The following KCNH7 variants were observed in gnomAD, a reference collection of about 807,000 sequenced individuals.
KCNH7 encodes voltage-gated inwardly rectifying potassium channel KCNH7.
KCNH7 carries 49 observed loss-of-function variants against 120.8 expected under a neutral mutation model. The observed-to-expected ratio is 0.41, with a 90% CI of 0.32 to 0.51. KCNH7 has a LOEUF of 0.51. Ranked by LOEUF, KCNH7 falls within the 20% of genes least tolerant of loss-of-function variation. The probability of loss-of-function intolerance (pLI) is 0.38; values close to 1 mark genes in which losing one functional copy is unlikely to be tolerated. For missense variants in KCNH7, 1,097 were observed against 1,446.6 expected (o/e 0.76, Z 3.92); for synonymous variants, 547 against 516.1 (o/e 1.06, Z -0.81).
At chr2:162,752,988 GA>G (rs1231765534) in intron 2 of KCNH7, among the ~76,000 whole-genome samples, 25 of 126,014 alleles carry the variant, frequency 2.0e-4, no homozygotes, top group African/African-American at 9.6e-4. Context: ...GAAAAGAAAA[GA>G]AAAGAAAAGA....
chr2:162,408,147 G>C (rs938761571), intron 9 of KCNH7, among the ~76,000 whole-genome samples: 2 of 151,920 alleles, frequency 1.3e-5, no homozygotes, highest in African/African-American at 4.8e-5. Context: ...CCATCAAATT[G>C]GCTTTCTAAA....
intron 6 of KCNH7, among the ~76,000 whole-genome samples, chr2:162,470,404 T>A (rs1206394731): frequency 2.0e-5 from 3 of 147,360 alleles, no homozygotes; most frequent in African/African-American, 7.6e-5. Flanking sequence ...CCGCCCCGTC[T>A]GAGAAGTGAG....
At chr2:162,694,377 A>G (rs574546544) in intron 2 of KCNH7, among the ~76,000 whole-genome samples, 98 of 152,228 alleles carry the variant, frequency 6.4e-4, no homozygotes, top group Non-Finnish European at 1.2e-3. Flanking sequence ...AGCTTTAAAT[A>G]GTTCTATTTT....
At chr2:162,411,241 A>G (rs1687383170) in intron 9 of KCNH7, among the ~76,000 whole-genome samples, 1 of 152,128 alleles carries the variant, frequency 6.6e-6, no homozygotes, top group Non-Finnish European at 1.5e-5. Context: ...GATAAAGAAA[A>G]TGTGGCACAT....
chr2:162,437,570 T>C (rs1389227692), intron 7 of KCNH7, among the ~76,000 whole-genome samples: 1 of 152,138 alleles, frequency 6.6e-6, no homozygotes, highest in East Asian at 1.9e-4. Flanking sequence ...GAATTCTGCC[T>C]CCATAGAATG....
Position 162,651,876 on chromosome 2 carries a change from G to A in KCNH7, c.308-114796C>T, listed in dbSNP as rs866955853. On this transcript the variant is annotated intron_variant, in intron 2 of 15. Transcript: ENST00000332142. Reference sequence around the variant, plus strand: ...CCTCACCAGCATCTGCTATTTTTTGGCTTTTTAATAATAGTCATTCTGACT... The same window carrying A: ...CCTCACCAGCATCTGCTATTTTTTGACTTTTTAATAATAGTCATTCTGACT... Among the ~76,000 whole-genome samples the A allele has an allele frequency of 2.6e-5, 4 of 152,112 alleles. No individual in the cohort carries two copies. The South Asian group carries it at 8.3e-4, about 32-fold the overall frequency.
intron 2 of KCNH7, among the ~76,000 whole-genome samples, chr2:162,557,783 A>C (rs1250643227): frequency 1.3e-5 from 2 of 152,144 alleles, no homozygotes; most frequent in Non-Finnish European, 2.9e-5. Context: ...TACACTTCTG[A>C]AAGTCTATTT....
At chr2:162,597,433 A>G (rs769737411) in intron 2 of KCNH7, among the ~76,000 whole-genome samples, 4 of 152,118 alleles carry the variant, frequency 2.6e-5, no homozygotes, top group Non-Finnish European at 5.9e-5. Context: ...GAAATAAGCC[A>G]GGCAAGAAAG....
intron 2 of KCNH7, among the ~76,000 whole-genome samples, chr2:162,557,496 G>C (rs1361613322): frequency 6.6e-6 from 1 of 152,192 alleles, no homozygotes; most frequent in Non-Finnish European, 1.5e-5. Flanking sequence ...CTTCTTGATG[G>C]AGCAGTGGCA....
At chr2:162,819,924 C>G (rs1199869041) in intron 2 of KCNH7, among the ~76,000 whole-genome samples, 1 of 151,002 alleles carries the variant, frequency 6.6e-6, no homozygotes, top group Non-Finnish European at 1.5e-5. Context: ...AGGAAAAATA[C>G]AATATTTTTC....
intron 2 of KCNH7, among the ~76,000 whole-genome samples, chr2:162,835,491 T>G (rs910937753): frequency 6.6e-6 from 1 of 152,034 alleles, no homozygotes; most frequent in African/African-American, 2.4e-5. Flanking sequence ...TCTGCCTCAG[T>G]AATTTCTGTT....
At chr2:162,393,243 C>T (rs1686795482) in intron 12 of KCNH7, among the ~76,000 whole-genome samples, 1 of 151,854 alleles carries the variant, frequency 6.6e-6, no homozygotes, top group Admixed American at 6.6e-5. Context: ...ACCATGAGTT[C>T]AATTTAGGAA....
intron 5 of KCNH7, among the ~76,000 whole-genome samples, chr2:162,505,653 C>T (rs1690849738): frequency 6.6e-6 from 1 of 151,846 alleles, no homozygotes. Context: ...ATTACGTACA[C>T]TGTTATTTAG....
intron 3 of KCNH7, among the ~76,000 whole-genome samples, chr2:162,529,723 A>C (rs932336488): frequency 6.6e-6 from 1 of 151,882 alleles, no homozygotes; most frequent in Admixed American, 6.6e-5. Context: ...AGAAGAGAAC[A>C]CACTTTTCCA....
At chr2:162,637,564 G>C (rs1045200909) in intron 2 of KCNH7, among the ~76,000 whole-genome samples, 1 of 152,040 alleles carries the variant, frequency 6.6e-6, no homozygotes, top group African/African-American at 2.4e-5. Context: ...ACAACATACT[G>C]TATACTTAAT....
intron 9 of KCNH7, among the ~76,000 whole-genome samples, chr2:162,422,066 G>A (rs1687723806): frequency 6.6e-6 from 1 of 152,168 alleles, no homozygotes; most frequent in South Asian, 2.1e-4. Flanking sequence ...ATTTACAAAA[G>A]AATTTTTCAC....
intron 2 of KCNH7, among the ~76,000 whole-genome samples, chr2:162,656,185 T>C (rs1291877670): frequency 6.6e-6 from 1 of 152,190 alleles, no homozygotes; most frequent in Non-Finnish European, 1.5e-5. Flanking sequence ...AATACTGTCT[T>C]GGAAGTAAAA....
At chr2:162,457,965 C>T (rs904520642) in intron 6 of KCNH7, among the ~76,000 whole-genome samples, 7 of 152,086 alleles carry the variant, frequency 4.6e-5, no homozygotes, top group African/African-American at 1.7e-4. Flanking sequence ...AAAAGCATCA[C>T]ACAATAAATC....
intron 2 of KCNH7, among the ~76,000 whole-genome samples, chr2:162,715,980 A>ATGTG (rs1246603546): frequency 6.3e-5 from 9 of 143,214 alleles, no homozygotes; most frequent in Non-Finnish European, 9.1e-5. Context: ...GTGTGTGTGC[A>ATGTG]CACCACACTT....
Sources: allele counts gnomAD v4.1 joint callset (sites outside exome capture counted in the v4.1 genomes callset), GRCh38; gene constraint gnomAD v4.1.1; transcripts MANE v1.5; gene names NCBI Gene and HGNC (gene_info 2026-07-23, HGNC 2026-07-21).